GDPD5: variants seen among roughly 807,000 people sequenced by gnomAD.
GDPD5 encodes glycerophosphodiester phosphodiesterase 2.
A neutral mutation model predicts 75.1 loss-of-function variants in GDPD5; 48 were observed. That is an observed-to-expected ratio of 0.64 (90% CI 0.51 to 0.81). GDPD5 has a LOEUF of 0.81. Among genes scored for constraint, GDPD5 ranks in the 40% least tolerant of loss-of-function variants. The pLI is 0.00. For synonymous variants in GDPD5, 336 were observed against 339.0 expected (o/e 0.99, Z 0.10); for missense variants, 706 against 822.6 (o/e 0.86, Z 1.73).
At chr11:75,466,306 C>A (rs1049447175) in intron 3 of GDPD5, among the ~76,000 whole-genome samples, 1 of 152,042 alleles carries the variant, frequency 6.6e-6, no homozygotes, top group Non-Finnish European at 1.5e-5. Context: ...AGGCAGGCAG[C>A]GGGGGTCACT....
At chr11:75,508,287 TC>T (rs1950446469) in intron 1 of GDPD5, 1 of 152,210 alleles carries the variant, frequency 6.6e-6, no homozygotes, top group African/African-American at 2.4e-5. Flanking sequence ...AGACCACAGA[TC>T]AAGTATCTAA....
intron 1 of GDPD5, chr11:75,506,614 G>A (rs1950404071): frequency 6.6e-6 from 1 of 152,644 alleles, no homozygotes; most frequent in Non-Finnish European, 1.5e-5. Flanking sequence ...AAGGTAGGGT[G>A]GGGGCAGCCC....
chr11:75,494,746 G>A (rs987489150), intron 1 of GDPD5, among the ~76,000 whole-genome samples: 1 of 151,436 alleles, frequency 6.6e-6, no homozygotes, highest in Admixed American at 6.6e-5. Context: ...GAGGTTGGGA[G>A]TTCGAGACCA....
intron 1 of GDPD5, among the ~76,000 whole-genome samples, chr11:75,505,959 C>T (rs1950389317): frequency 6.6e-6 from 1 of 152,172 alleles, no homozygotes; most frequent in Non-Finnish European, 1.5e-5. Flanking sequence ...TCTCAGGAAC[C>T]CCTAGTTTCT....
chr11:75,441,340 T>C (rs763475051), intron 13 of GDPD5, 30 bp from the exon 14 acceptor site: 3 of 1,613,218 alleles, frequency 1.9e-6, no homozygotes, highest in Admixed American at 1.7e-5. Context: ...CAGGTCAGCA[T>C]GCGGACCCTG....
intron 1 of GDPD5, among the ~76,000 whole-genome samples, chr11:75,500,646 T>A (rs918122762): frequency 3.3e-5 from 5 of 152,130 alleles, no homozygotes; most frequent in Non-Finnish European, 7.3e-5. Context: ...GACTCAAGTA[T>A]CCTGCAACCC....
intron 15 of GDPD5, chr11:75,439,353 A>G (rs773983028): frequency 3.5e-5 from 16 of 456,376 alleles, no homozygotes; most frequent in South Asian, 2.3e-4. Context: ...ATCAAGTGAT[A>G]GCTGTGAGAT....
At chr11:75,464,500 G>T (rs932494013) in intron 3 of GDPD5, among the ~76,000 whole-genome samples, 1 of 152,170 alleles carries the variant, frequency 6.6e-6, no homozygotes, top group African/African-American at 2.4e-5. Context: ...TGGGCAAGAG[G>T]GCTGGTGCCT....
At chr11:75,509,185 G>A (rs976204296) in intron 1 of GDPD5, among the ~76,000 whole-genome samples, 1 of 152,184 alleles carries the variant, frequency 6.6e-6, no homozygotes, top group Non-Finnish European at 1.5e-5. Context: ...AGTTGGGTGT[G>A]GGGGGTGTTC....
intron 3 of GDPD5, among the ~76,000 whole-genome samples, chr11:75,474,815 C>T (rs1020941072): frequency 1.3e-5 from 2 of 152,236 alleles, no homozygotes; most frequent in Non-Finnish European, 2.9e-5. Flanking sequence ...TTCAAGGCCA[C>T]TCCCCATCTT....
chr11:75,473,368 C>T (rs916705543), intron 3 of GDPD5, among the ~76,000 whole-genome samples: 5 of 152,102 alleles, frequency 3.3e-5, no homozygotes, highest in South Asian at 4.1e-4. Context: ...CATCCACCCA[C>T]GCTGGGCATC....
chr11:75,447,683 T>C (rs1230746875), intron 9 of GDPD5, among the ~76,000 whole-genome samples: 1 of 152,184 alleles, frequency 6.6e-6, no homozygotes, highest in African/African-American at 2.4e-5. Context: ...TTATGTCCCC[T>C]GGCTGCTGGA....
intron 1 of GDPD5, among the ~76,000 whole-genome samples, chr11:75,504,910 G>C (rs1248259300): frequency 6.6e-6 from 1 of 152,126 alleles, no homozygotes; most frequent in African/African-American, 2.4e-5. Context: ...GGCGGATCAT[G>C]AGGTCAGGAG....
At chr11:75,442,917 C>G (rs556235378) in intron 11 of GDPD5, 34 of 629,092 alleles carry the variant, frequency 5.4e-5, no homozygotes, top group Middle Eastern at 3.3e-4. Context: ...TCCCTGTCAA[C>G]CTTTTCTAGT....
chr11:75,454,333 G>C (rs1438714466), intron 6 of GDPD5, among the ~76,000 whole-genome samples: 1 of 152,230 alleles, frequency 6.6e-6, no homozygotes, highest in Non-Finnish European at 1.5e-5. Context: ...CCATCAGGCT[G>C]ACAAAAGCCA....
chr11:75,492,654 T>G (rs625938), intron 1 of GDPD5, among the ~76,000 whole-genome samples: 89,625 of 152,028 alleles, frequency 0.59, 27,391 homozygotes, highest in East Asian at 0.79. Flanking sequence ...TCCTCATTCA[T>G]AGGATCATGG....
intron 3 of GDPD5, among the ~76,000 whole-genome samples, chr11:75,471,489 T>C (rs1204571929): frequency 6.6e-6 from 1 of 152,104 alleles, no homozygotes; most frequent in African/African-American, 2.4e-5. Context: ...GAGAATGCAA[T>C]TAAGTCCTGC....
intron 3 of GDPD5, among the ~76,000 whole-genome samples, chr11:75,469,733 T>G (rs1280445617): frequency 6.6e-6 from 1 of 152,204 alleles, no homozygotes; most frequent in Non-Finnish European, 1.5e-5. Flanking sequence ...GAGAATGGCC[T>G]GGAAATGTGG....
chr11:75,439,330 C>A (rs1477231824), intron 15 of GDPD5: 3 of 456,162 alleles, frequency 6.6e-6, no homozygotes, highest in African/African-American at 6.0e-5. Flanking sequence ...GAAGACCACA[C>A]CAGAATTACC....
Sources: gnomAD v4.1 joint callset for allele counts (sites outside exome capture counted in the v4.1 genomes callset) on GRCh38, gnomAD v4.1.1 for gene constraint, MANE v1.5 for transcripts, NCBI Gene and HGNC (gene_info 2026-07-23, HGNC 2026-07-21) for gene names.